Variants in CACNG5 observed in about 807,000 individuals in gnomAD.
The protein encoded by CACNG5 is calcium voltage-gated channel auxiliary subunit gamma 5, also known as voltage-dependent calcium channel gamma-5 subunit.
Under a neutral mutation model 24.8 loss-of-function variants are expected in CACNG5, and 18 were observed. The ratio of observed to expected loss-of-function variants is 0.73; its 90% confidence interval spans 0.50 to 1.08. The LOEUF is 1.08. Ranked by LOEUF, CACNG5 falls within the 50% of genes least tolerant of loss-of-function variation. CACNG5 has a pLI of 0.00. For missense variants in CACNG5, 349 were observed against 367.9 expected (o/e 0.95, Z 0.42); for synonymous variants, 157 against 149.1 (o/e 1.05, Z -0.39).
At chr17:66,847,247 C>T (rs893378440) in intron 1 of CACNG5, among the ~76,000 whole-genome samples, 2 of 152,216 alleles carry the variant, frequency 1.3e-5, no homozygotes, top group African/African-American at 4.8e-5. Context: ...CCTCTAGAGG[C>T]CCCACTCATG....
At chr17:66,855,553 TCA>T (rs1289042190) in intron 1 of CACNG5, among the ~76,000 whole-genome samples, 1 of 152,348 alleles carries the variant, frequency 6.6e-6, no homozygotes, top group East Asian at 1.9e-4. Context: ...AGACAGAGTC[TCA>T]CCCTGTCACC....
At chr17:66,884,798 C>T (rs1731064153) in intron 5 of CACNG5, 137 bp downstream of exon 5, 1 of 1,613,378 alleles carries the variant, frequency 6.2e-7, no homozygotes, top group Non-Finnish European at 8.5e-7. Context: ...TTCCCTTCCT[C>T]ATCCCAGAAT....
chr17:66,869,021 CT>C (rs1976966963), intron 1 of CACNG5, among the ~76,000 whole-genome samples: 1 of 152,116 alleles, frequency 6.6e-6, no homozygotes, highest in Non-Finnish European at 1.5e-5. Context: ...GCAAATTTAC[CT>C]TATTAAATCT....
chr17:66,848,931 C>T (rs904829840), intron 1 of CACNG5, among the ~76,000 whole-genome samples: 1 of 152,148 alleles, frequency 6.6e-6, no homozygotes, highest in East Asian at 1.9e-4. Flanking sequence ...GTGTCCTCCC[C>T]AGGAAGGCCA....
chr17:66,846,605 A>G (rs929444494), intron 1 of CACNG5, among the ~76,000 whole-genome samples: 7 of 152,032 alleles, frequency 4.6e-5, no homozygotes, highest in African/African-American at 7.2e-5. Context: ...CATTTTGTGG[A>G]TGTACCACAG....
At chr17:66,837,909 G>A (rs924212301) in intron 1 of CACNG5, among the ~76,000 whole-genome samples, 2 of 152,000 alleles carry the variant, frequency 1.3e-5, no homozygotes, top group African/African-American at 4.8e-5. Context: ...GGCAGAGAAA[G>A]TTGTGAATAT....
intron 1 of CACNG5, among the ~76,000 whole-genome samples, chr17:66,871,099 A>G (rs1378923055): frequency 1.3e-5 from 2 of 152,150 alleles, no homozygotes; most frequent in Non-Finnish European, 2.9e-5. Context: ...GAGGAGTGTC[A>G]AAGATTTTGC....
chr17:66,888,182 CTTTTTT>C lies in CACNG5; in HGVS notation c.*2957_*2962del, dbSNP rs1202304621. Among the ~76,000 whole-genome samples, 1 of 118,636 alleles carries C rather than the reference CTTTTTT, an allele frequency of 8.4e-6. No homozygotes were observed. Among genetic ancestry groups the C allele is most frequent in the Non-Finnish European group, 1.7e-5 (1 of 58,826 alleles). The allele number at this position is 118,636 out of a possible 152,430, so 77.8% of individuals were successfully genotyped here. On this transcript the variant is annotated 3_prime_UTR_variant, in exon 6 of 6. Coordinates refer to ENST00000533854, the MANE Select transcript of CACNG5 (RefSeq NM_145811.3). The stretch of plus-strand genomic sequence containing the variant: ...CCCACACCTGGAACTTACTACCCTA[CTTTTTT>C]TTTTTTTTTTTTTTGAGATGATGTC...
chr17:66,880,543 G>A lies in CACNG5; in HGVS notation c.284-14G>A, dbSNP rs774713290. ...CTGGAGGCTGACAGGCCGCCCTTTT[G>A]TCCCGTTAATTAGAGATGATCCGCT... is the stretch of plus-strand genomic sequence containing the variant. On this transcript the variant is annotated splice_polypyrimidine_tract_variant and intron_variant, in intron 3 of 5. Transcript: ENST00000533854. 9 of 1,613,964 alleles carry A rather than the reference G, an allele frequency of 5.6e-6. No individual in the cohort carries two copies. The African/African-American group carries it at 9.3e-5, about 17-fold the overall frequency.
chr17:66,865,169 T>C (rs1278879399), intron 1 of CACNG5, among the ~76,000 whole-genome samples: 1 of 152,266 alleles, frequency 6.6e-6, no homozygotes, highest in Non-Finnish European at 1.5e-5. Context: ...TATTTTTTAA[T>C]GCATTACATT....
chr17:66,868,400 C>A (rs769047960), intron 1 of CACNG5, among the ~76,000 whole-genome samples: 1 of 152,120 alleles, frequency 6.6e-6, no homozygotes, highest in African/African-American at 2.4e-5. Context: ...GCAGAGAGAG[C>A]CTCACACTCC....
At chr17:66,880,721 T>C (rs907594915) in intron 4 of CACNG5, 24 bp downstream of exon 4, 2 of 1,607,564 alleles carry the variant, frequency 1.2e-6, no homozygotes, top group Non-Finnish European at 8.5e-7. Context: ...TTTTCTTTTC[T>C]TGCACCCTGG....
At chr17:66,857,044 C>T (rs1598050578) in intron 1 of CACNG5, among the ~76,000 whole-genome samples, 1 of 146,422 alleles carries the variant, frequency 6.8e-6, no homozygotes, top group African/African-American at 2.5e-5. Flanking sequence ...ATAGAAAACA[C>T]ATTTTTATTT....
intron 1 of CACNG5, among the ~76,000 whole-genome samples, chr17:66,872,496 G>C (rs923047852): frequency 6.6e-6 from 1 of 152,202 alleles, no homozygotes; most frequent in Middle Eastern, 3.2e-3. Context: ...AAAAGGCAAT[G>C]AACTAAGATA....
intron 1 of CACNG5, among the ~76,000 whole-genome samples, chr17:66,875,418 G>A (rs942677974): frequency 6.6e-6 from 1 of 152,138 alleles, no homozygotes; most frequent in Non-Finnish European, 1.5e-5. Context: ...ATGCCTCCAG[G>A]AAGCCAATAT....
chr17:66,890,294 G>A lies in CACNG5; in HGVS notation c.*5054G>A, dbSNP rs1977324764. On this transcript the variant is annotated 3_prime_UTR_variant, in exon 6 of 6. Coordinates refer to ENST00000533854, the MANE Select transcript of CACNG5 (RefSeq NM_145811.3). Reference sequence around the variant, plus strand: ...CTCAGTGGTCACCACTACAGGGGGTGGAGGGTGGTACGCTGGAGCCAGTCA... The same window carrying A: ...CTCAGTGGTCACCACTACAGGGGGTAGAGGGTGGTACGCTGGAGCCAGTCA... Among the ~76,000 whole-genome samples, 1 of 152,216 alleles carries A rather than the reference G, an allele frequency of 6.6e-6. No individual in the cohort carries two copies. Among genetic ancestry groups the A allele is most frequent in the African/African-American group, 2.4e-5 (1 of 41,462 alleles).
chr17:66,869,803 G>C (rs536142308), intron 1 of CACNG5, among the ~76,000 whole-genome samples: 1 of 152,180 alleles, frequency 6.6e-6, no homozygotes, highest in Non-Finnish European at 1.5e-5. Flanking sequence ...ATGGTATAAG[G>C]CTGGGGGCGG....
rs372521399 is a variant in CACNG5 at position 66,855,161 on chromosome 17, G to A, written c.-104+19911G>A. On this transcript the variant is annotated intron_variant, in intron 1 of 5. Coordinates refer to ENST00000533854, the MANE Select transcript of CACNG5 (RefSeq NM_145811.3). ...ATACAGGGATCATGTTATTGCCACC[G>A]TTTAATATCTTTACTGAATGAGACT... Among the ~76,000 whole-genome samples the A allele has an allele frequency of 1.6e-3, 242 of 152,298 alleles. 2 individuals carry two copies. In the South Asian group the frequency reaches 0.033, roughly 21 times the overall value.
intron 1 of CACNG5, among the ~76,000 whole-genome samples, chr17:66,852,406 C>T (rs1976718731): frequency 6.6e-6 from 1 of 152,090 alleles, no homozygotes. Flanking sequence ...TATATATCAC[C>T]TCCCATTTCT....
Sources: allele counts gnomAD v4.1 joint callset (sites outside exome capture counted in the v4.1 genomes callset), GRCh38; gene constraint gnomAD v4.1.1; transcripts MANE v1.5; gene names NCBI Gene and HGNC (gene_info 2026-07-23, HGNC 2026-07-21).